Variants in GSR observed in about 807,000 individuals in gnomAD.
GSR encodes the protein glutathione-disulfide reductase, also known as glutathione reductase, mitochondrial.
GSR carries 48 observed loss-of-function variants against 56.5 expected under a neutral mutation model. That is an observed-to-expected ratio of 0.85 (90% CI 0.67 to 1.08). GSR has a LOEUF of 1.08. Among genes scored for constraint, GSR ranks in the 50% least tolerant of loss-of-function variants. The pLI, the probability that GSR is intolerant of heterozygous loss-of-function variation, is 0.00. For synonymous variants in GSR, 264 were observed against 270.8 expected, an observed-to-expected ratio of 0.97 and a Z score of 0.25; for missense variants, 694 against 703.3, an observed-to-expected ratio of 0.99 and a Z score of 0.15.
intron 1 of GSR, among the ~76,000 whole-genome samples, chr8:30,720,275 C>T (rs995088359): frequency 2.6e-5 from 4 of 152,152 alleles, no homozygotes; most frequent in Non-Finnish European, 5.9e-5. Flanking sequence ...GAATTGCCTA[C>T]AGTTTCCTCC....
In GSR at chr8:30,681,957, G is replaced by C. The variant is rs371799004; in HGVS notation, c.1258C>G (p.Pro420Ala). The C allele has an allele frequency of 3.1e-6, 5 of 1,613,316 alleles. No individual in the cohort carries two copies. The highest frequency in any genetic ancestry group is 1.7e-5 in the Admixed American group (1 of 60,012). ...NIPTVVFSHP[P>A]IGTVGLTEDE... ...TCCGTGAGTCCCACTGTCCCAATAG[G>C]GGGGTGGCTGAAGACCACAGTTGGG... The change falls in exon 11 of 13, where the codon CCT becomes GCT. Residue 420 changes from proline to alanine, a missense_variant. Pro to Ala is a conservative substitution (Grantham distance 27). Transcript: ENST00000221130.
intron 4 of GSR, among the ~76,000 whole-genome samples, chr8:30,704,149 AC>A (rs1222997159): frequency 6.6e-6 from 1 of 152,006 alleles, no homozygotes; most frequent in Non-Finnish European, 1.5e-5. Context: ...ACATGGAGAA[AC>A]CCCATCTCTA....
At position 30,681,961 on chromosome 8, in the gene GSR, G is replaced by T; in HGVS notation, c.1254C>A (p.His418Gln). 6.2e-7 allele frequency: 1 copy of T among 1,613,292 alleles called. No homozygotes were observed. The highest frequency in any genetic ancestry group is 8.5e-7 in the Non-Finnish European group (1 of 1,179,250). Residue 418 changes from histidine (H) to glutamine (Q), a missense_variant, in exon 11 of 13, where the codon CAC becomes CAA. His to Gln is a conservative substitution (Grantham distance 24, BLOSUM62 0). Coordinates refer to ENST00000221130, the MANE Select transcript of GSR (RefSeq NM_000637.5). ...TGAGTCCCACTGTCCCAATAGGGGG[G>T]TGGCTGAAGACCACAGTTGGGATGT... ...YNNIPTVVFS[H>Q]PPIGTVGLTE...
At position 30,713,658 on chromosome 8, in the gene GSR, C is replaced by T. The variant is rs183816379; in HGVS notation, c.307-1570G>A. On this transcript the variant is annotated intron_variant, in intron 1 of 12. Coordinates refer to ENST00000221130, the MANE Select transcript of GSR (RefSeq NM_000637.5). The stretch of plus-strand genomic sequence containing the variant: ...ACAGGCATGAGCCACCACGCCCAGA[C>T]GAAATCTACATTTTTTAAAAGTAAA... 1.9e-3 allele frequency among the ~76,000 whole-genome samples: 289 copies of T among 152,182 alleles called. 1 individual carries two copies. Among genetic ancestry groups the T allele is most frequent in the African/African-American group, 6.7e-3 (280 of 41,504 alleles).
intron 1 of GSR, among the ~76,000 whole-genome samples, chr8:30,713,003 T>C (rs1804207032): frequency 6.6e-6 from 1 of 152,054 alleles, no homozygotes; most frequent in African/African-American, 2.4e-5. Flanking sequence ...AATACACTTA[T>C]GGAATAAAAG....
At chr8:30,697,049 A>G (rs552951108) in intron 6 of GSR, among the ~76,000 whole-genome samples, 93 of 151,968 alleles carry the variant, frequency 6.1e-4, no homozygotes, top group African/African-American at 2.2e-3. Flanking sequence ...CCAATCCTGG[A>G]TACCACTGCA....
chr8:30,707,936 G>A (rs971064205), intron 4 of GSR, 136 bp downstream of exon 4: 17 of 539,238 alleles, frequency 3.2e-5, no homozygotes, highest in Admixed American at 2.0e-4. Flanking sequence ...CAGCCTGGGC[G>A]ACAGAGCGAG....
chr8:30,707,949 C>G, intron 4 of GSR, 123 bp downstream of exon 4: 1 of 598,802 alleles, frequency 1.7e-6, no homozygotes, highest in Non-Finnish European at 2.8e-6. Context: ...AGAGCGAGAC[C>G]CTGTCTCCAA....
intron 1 of GSR, among the ~76,000 whole-genome samples, chr8:30,723,686 C>T (rs758000163): frequency 5.9e-5 from 9 of 151,268 alleles, no homozygotes; most frequent in African/African-American, 1.9e-4. Flanking sequence ...CAGCTACTTA[C>T]GAGGCTGAGG....
chr8:30,697,197 C>T (rs1221768952), intron 6 of GSR, among the ~76,000 whole-genome samples: 1 of 151,978 alleles, frequency 6.6e-6, no homozygotes, highest in East Asian at 1.9e-4. Flanking sequence ...GGGTGGATCA[C>T]CTGGTCAGGA....
Position 30,703,128 on chromosome 8 carries a change from C to A in GSR, c.605G>T (p.Gly202Val). The A allele has an allele frequency of 1.2e-6, 2 of 1,614,114 alleles. No individual in the cohort carries two copies. The highest frequency in any genetic ancestry group is 1.7e-6 in the Non-Finnish European group (2 of 1,180,010). Residue 202 changes from glycine (G) to valine (V), a missense_variant, in exon 5 of 13, where the codon GGT becomes GTT. Transcript: ENST00000221130. ...TAPHILIATG[G>V]MPSTPHESQI... Reference sequence around the variant, plus strand: ...GCTCTCATGAGGGGTGGAGGGCATACCACCTGTGGCGATCAGGATGTGTGG... The same window carrying A: ...GCTCTCATGAGGGGTGGAGGGCATAACACCTGTGGCGATCAGGATGTGTGG...
chr8:30,720,646 G>A (rs1804502104), intron 1 of GSR, among the ~76,000 whole-genome samples: 1 of 142,312 alleles, frequency 7.0e-6, no homozygotes, highest in Non-Finnish European at 1.5e-5. Context: ...GTTAGTTCAG[G>A]GAGGCATCAA....
At chr8:30,717,203 C>T (rs1804363174) in intron 1 of GSR, among the ~76,000 whole-genome samples, 1 of 152,074 alleles carries the variant, frequency 6.6e-6, no homozygotes. Context: ...TGCCATTGCA[C>T]TCCAGCCTGG....
intron 1 of GSR, among the ~76,000 whole-genome samples, chr8:30,720,013 C>T (rs962294599): frequency 3.6e-4 from 54 of 151,896 alleles, no homozygotes; most frequent in Admixed American, 3.2e-3. Context: ...AGTTAGAGAC[C>T]GGCCTGAGAA....
At chr8:30,721,941 G>A (rs997605611) in intron 1 of GSR, among the ~76,000 whole-genome samples, 8 of 151,750 alleles carry the variant, frequency 5.3e-5, no homozygotes, top group Non-Finnish European at 1.2e-4. Context: ...GCTTGAACCC[G>A]GGAGGCAGAG....
At chr8:30,720,192 G>A (rs139738611) in intron 1 of GSR, among the ~76,000 whole-genome samples, 10 of 152,134 alleles carry the variant, frequency 6.6e-5, no homozygotes, top group African/African-American at 2.4e-4. Flanking sequence ...CAGCCTGGGT[G>A]ACAGAGCAAG....
intron 10 of GSR, among the ~76,000 whole-genome samples, chr8:30,682,452 C>T (rs1802992754): frequency 6.6e-6 from 1 of 152,212 alleles, no homozygotes; most frequent in Admixed American, 6.5e-5. Flanking sequence ...ATAAAGTTAC[C>T]TACCAACTAT....
At position 30,679,420 on chromosome 8, in the gene GSR, A is replaced by G; in HGVS notation, c.*100T>C. On this transcript the variant is annotated 3_prime_UTR_variant, in exon 13 of 13. Transcript: ENST00000221130. The stretch of plus-strand genomic sequence containing the variant: ...ACTATCAGAAGATCCTGATTAAAAT[A>G]AAGAAATACATAAAACTCAAACAGT... 8.5e-7 allele frequency: 1 copy of G among 1,171,924 alleles called. No individual in the cohort carries two copies. Among genetic ancestry groups the G allele is most frequent in the Non-Finnish European group, 1.3e-6 (1 of 798,218 alleles). 72.6% of individuals were successfully genotyped at this position (1,171,924 alleles called of 1,614,324 possible). A position where few individuals can be genotyped will look rare whatever the true frequency, so the allele number is the denominator to read the frequency against.
intron 10 of GSR, among the ~76,000 whole-genome samples, chr8:30,682,850 C>T (rs1425302692): frequency 6.7e-6 from 1 of 149,452 alleles, no homozygotes; most frequent in East Asian, 2.0e-4. Flanking sequence ...TTTTTTTAGA[C>T]AGAGTCTCGC....
Sources: allele counts gnomAD v4.1 joint callset (sites outside exome capture counted in the v4.1 genomes callset), GRCh38; gene constraint gnomAD v4.1.1; transcripts MANE v1.5; gene names NCBI Gene and HGNC (gene_info 2026-07-23, HGNC 2026-07-21).